Variants in ARHGEF10 observed in about 807,000 individuals in gnomAD.
ARHGEF10 encodes Rho guanine nucleotide exchange factor (GEF) 10.
Under a neutral mutation model 147.4 loss-of-function variants are expected in ARHGEF10, and 140 were observed. The ratio of observed to expected loss-of-function variants is 0.95; its 90% CI spans 0.83 to 1.09. The LOEUF (loss-of-function observed/expected upper bound fraction) is 1.09, where lower values mean the gene tolerates loss of function less well. Ranked by LOEUF, ARHGEF10 falls within the 50% of genes least tolerant of loss-of-function variation. The probability of loss-of-function intolerance (pLI) is 0.00; values close to 1 mark genes in which losing one functional copy is unlikely to be tolerated. For synonymous variants in ARHGEF10, 902 were observed against 695.8 expected (o/e 1.30, Z -4.67); for missense variants, 2,222 against 1,752.7 (o/e 1.27, Z -4.78).
chr8:1,900,900 C>G (rs898536265), intron 15 of ARHGEF10, among the ~76,000 whole-genome samples: 1 of 152,164 alleles, frequency 6.6e-6, no homozygotes, highest in Non-Finnish European at 1.5e-5. Context: ...TCTGTTGCCC[C>G]TGAAGGAGAA....
intron 21 of ARHGEF10, among the ~76,000 whole-genome samples, chr8:1,924,227 A>C (rs1252775832): frequency 6.6e-6 from 1 of 152,126 alleles, no homozygotes; most frequent in African/African-American, 2.4e-5. Context: ...CAGGGGGGTC[A>C]TTGTTCCTCT....
At chr8:1,924,521 C>T (rs1405812184) in intron 21 of ARHGEF10, among the ~76,000 whole-genome samples, 1 of 152,140 alleles carries the variant, frequency 6.6e-6, no homozygotes, top group Non-Finnish European at 1.5e-5. Context: ...GAAATGTTAA[C>T]GGAGTATAAA....
At position 1,832,905 on chromosome 8, in the gene ARHGEF10, GAGAC is replaced by G. The variant is rs1260046830; in HGVS notation, c.-48+8800_-48+8803del. 1.8e-3 allele frequency among the ~76,000 whole-genome samples: 195 copies of G among 109,482 alleles called. 11 individuals are homozygous for G. The highest frequency in any genetic ancestry group is 0.011 in the Middle Eastern group (2 of 174). 71.8% of individuals were successfully genotyped at this position (109,482 alleles called of 152,430 possible). Reference sequence around the variant, plus strand: ...AGACAGAGGCAGACGCAGAGACAGAGAGACAGACAGAGGCAGAGACAGAGGCAGA... The same window carrying G: ...AGACAGAGGCAGACGCAGAGACAGAGAGACAGAGGCAGAGACAGAGGCAGA... On this transcript the variant is annotated intron_variant, in intron 1 of 28. Transcript: ENST00000349830.
At chr8:1,949,812 G>C (rs1017164445) in intron 27 of ARHGEF10, among the ~76,000 whole-genome samples, 13 of 148,484 alleles carry the variant, frequency 8.8e-5, no homozygotes, top group East Asian at 5.9e-4. Flanking sequence ...TCGGTGGCCG[G>C]TGTGGCCCTG....
chr8:1,946,284 G>C (rs946071906), intron 27 of ARHGEF10, among the ~76,000 whole-genome samples: 1 of 152,234 alleles, frequency 6.6e-6, no homozygotes, highest in Non-Finnish European at 1.5e-5. Flanking sequence ...CTGCTGGTGG[G>C]TATTGGAAGA....
At chr8:1,897,840 C>T (rs1359617395) in intron 14 of ARHGEF10, among the ~76,000 whole-genome samples, 6 of 152,176 alleles carry the variant, frequency 3.9e-5, no homozygotes, top group Non-Finnish European at 8.8e-5. Context: ...GAGATAGACT[C>T]TCTCATCCCA....
At chr8:1,896,306 C>G in intron 13 of ARHGEF10, 27 bp from the exon 14 acceptor site, 2 of 1,511,680 alleles carry the variant, frequency 1.3e-6, no homozygotes, top group East Asian at 4.5e-5. Context: ...TCTGTGATTT[C>G]TCTCTGAATT....
At chr8:1,838,706 C>T (rs186830111) in intron 1 of ARHGEF10, among the ~76,000 whole-genome samples, 187 of 152,386 alleles carry the variant, frequency 1.2e-3, no homozygotes, top group Non-Finnish European at 2.0e-3. Flanking sequence ...GCATTGATGC[C>T]ATCTGGCGTG....
intron 23 of ARHGEF10, 104 bp downstream of exon 23, chr8:1,926,567 G>T: frequency 9.6e-7 from 1 of 1,036,992 alleles, no homozygotes; most frequent in South Asian, 1.3e-5. Context: ...GAGAGTTGGC[G>T]GTGGCGTATC....
chr8:1,865,743 T>A (rs1309143564), intron 5 of ARHGEF10, among the ~76,000 whole-genome samples: 1 of 152,156 alleles, frequency 6.6e-6, no homozygotes, highest in African/African-American at 2.4e-5. Flanking sequence ...ACCCTTCCCA[T>A]AGGAACATTT....
intron 27 of ARHGEF10, among the ~76,000 whole-genome samples, chr8:1,947,798 C>T (rs1013814871): frequency 1.3e-5 from 2 of 150,314 alleles, no homozygotes; most frequent in South Asian, 4.3e-4. Flanking sequence ...CCGCCCGCCT[C>T]CCTACTGCTG....
chr8:1,879,940 G>A (rs1368173811), intron 8 of ARHGEF10, 108 bp from the exon 9 acceptor site: 1 of 823,754 alleles, frequency 1.2e-6, no homozygotes, highest in Non-Finnish European at 2.2e-6. Context: ...AGCCAGGACA[G>A]GCCTGATGTG....
chr8:1,955,707 G>A (rs556421768), intron 28 of ARHGEF10, among the ~76,000 whole-genome samples: 102 of 152,060 alleles, frequency 6.7e-4, no homozygotes, highest in African/African-American at 2.3e-3. Flanking sequence ...TGCACTCACT[G>A]TGTTTCTTTG....
intron 1 of ARHGEF10, among the ~76,000 whole-genome samples, chr8:1,839,294 T>TACTGTCCGGTGTGGGG (rs1803796298): frequency 1.6e-5 from 1 of 63,900 alleles, no homozygotes; most frequent in Non-Finnish European, 3.1e-5. Context: ...CTGGTGTGGG[T>TACTGTCCGGTGTGGGG]ACTGTCCGGT....
At chr8:1,838,688 T>G (rs949974043) in intron 1 of ARHGEF10, among the ~76,000 whole-genome samples, 1 of 152,270 alleles carries the variant, frequency 6.6e-6, no homozygotes, top group African/African-American at 2.4e-5. Flanking sequence ...GGGATCCGAT[T>G]GTCGGAAGCA....
chr8:1,872,856 T>C (rs565302350), intron 7 of ARHGEF10, among the ~76,000 whole-genome samples: 165 of 152,358 alleles, frequency 1.1e-3, no homozygotes, highest in African/African-American at 3.8e-3. Context: ...GTCATGGAGA[T>C]AGGGTGATTT....
chr8:1,914,808 C>G (rs11987896), intron 18 of ARHGEF10, among the ~76,000 whole-genome samples: 12,582 of 152,146 alleles, frequency 0.083, 650 homozygotes, highest in African/African-American at 0.15. Context: ...GTCCTTCCCA[C>G]GACTCAAAAG....
intron 18 of ARHGEF10, among the ~76,000 whole-genome samples, chr8:1,916,496 G>C (rs1174509720): frequency 6.6e-6 from 1 of 152,130 alleles, no homozygotes; most frequent in Non-Finnish European, 1.5e-5. Context: ...TTTTAGTCAC[G>C]GGGGAGAATT....
At position 1,948,544 on chromosome 8, in the gene ARHGEF10, G is replaced by A. The variant is rs896648578; in HGVS notation, c.3397+2889G>A. ...CCTTGTCAGCAGGAGAAAGGTACAC[G>A]GGTTAGAGGCAACCTCGGTGACACC... On this transcript the variant is annotated intron_variant, in intron 27 of 28. Coordinates refer to ENST00000349830, the MANE Select transcript of ARHGEF10 (RefSeq NM_014629.4). The surrounding 1 kb of genome is among the most constrained non-coding windows in gnomAD (Gnocchi z 4.9). Among the ~76,000 whole-genome samples the A allele has an allele frequency of 2.0e-5, 3 of 152,262 alleles. No individual in the cohort carries two copies. Among genetic ancestry groups the A allele is most frequent in the Non-Finnish European group, 4.4e-5 (3 of 68,018 alleles).
Sources: gnomAD v4.1 joint callset for allele counts (sites outside exome capture counted in the v4.1 genomes callset) on GRCh38, gnomAD v4.1.1 for gene constraint, Gnocchi (gnomAD v3.1) non-coding constraint, MANE v1.5 for transcripts, NCBI Gene and HGNC (gene_info 2026-07-23, HGNC 2026-07-21) for gene names.